The following ANP32B variants were observed in gnomAD, a reference collection of about 807,000 sequenced individuals.
ANP32B encodes acidic nuclear phosphoprotein 32 family member B.
Under a neutral mutation model 32.2 loss-of-function variants are expected in ANP32B, and 6 were observed. The ratio of observed to expected loss-of-function variants is 0.19; its 90% CI spans 0.10 to 0.37. The LOEUF (loss-of-function observed/expected upper bound fraction) is 0.37, where lower values mean the gene tolerates loss of function less well. Among genes scored for constraint, ANP32B ranks in the 10% least tolerant of loss-of-function variants. ANP32B has a pLI of 1.00. For missense variants in ANP32B, 204 were observed against 289.2 expected (o/e 0.71, Z 2.14); for synonymous variants, 98 against 105.8 (o/e 0.93, Z 0.45).
intron 6 of ANP32B, among the ~76,000 whole-genome samples, chr9:98,014,564 G>A (rs571639397): frequency 1.3e-5 from 2 of 152,052 alleles, no homozygotes; most frequent in South Asian, 4.1e-4. Flanking sequence ...GTTAATATTA[G>A]TTTGCTACAA....
chr9:97,987,087 T>C (rs1587870265), intron 1 of ANP32B, among the ~76,000 whole-genome samples: 2 of 152,202 alleles, frequency 1.3e-5, no homozygotes, highest in East Asian at 3.9e-4. Flanking sequence ...TCTTCTTCAG[T>C]TCACCTGTTA....
At position 98,015,400 on chromosome 9, in the gene ANP32B, G is replaced by A. The variant is rs1389054833; in HGVS notation, c.725G>A (p.Arg242Lys). 2.6e-6 allele frequency: 4 copies of A among 1,550,234 alleles called. No individual in the cohort carries two copies. Among genetic ancestry groups the A allele is most frequent in the African/African-American group, 1.4e-5 (1 of 72,888 alleles). The stretch of plus-strand genomic sequence containing the variant: ...GGTGGGAAAGGTGAAAAGAGGAAGA[G>A]AGAAACAGATGATGAAGGAGAAGAT... The part of the protein sequence containing the change: ...EEGGKGEKRK[R>K]ETDDEGEDD The change falls in exon 7 of 7, where the codon AGA (arginine) becomes AAA (lysine). Residue 242 changes from arginine to lysine, a missense_variant. Physicochemically the swap from Arg to Lys is conservative, Grantham distance 26. Transcript: ENST00000339399.
In ANP32B at chr9:98,005,046, A is replaced by G. The variant is rs1302544606; in HGVS notation, c.410A>G (p.Lys137Arg). The change falls in exon 4 of 7, where the codon AAG becomes AGG. Residue 137 changes from lysine (K) to arginine (R), a missense_variant. By Grantham distance (26) the Lys-to-Arg change is conservative. Coordinates refer to ENST00000339399, the MANE Select transcript of ANP32B (RefSeq NM_006401.3). ...NLNDYRESVF[K>R]LLPQLTYLDG... ...AATGACTACCGAGAGAGTGTCTTCA[A>G]GCTCCTGCCCCAGCTTACCTACTTG... The G allele has an allele frequency of 1.2e-6, 2 of 1,614,054 alleles. No homozygotes were observed. Among genetic ancestry groups the G allele is most frequent in the African/African-American group, 2.7e-5 (2 of 74,996 alleles).
At chr9:98,012,393 T>G in intron 5 of ANP32B, 28 bp from the exon 6 acceptor site, 2 of 1,602,386 alleles carry the variant, frequency 1.2e-6, no homozygotes, top group Non-Finnish European at 1.7e-6. Context: ...AGAATTAATT[T>G]AATGTTATGC....
chr9:98,008,629 A>T (rs2131591093), intron 4 of ANP32B, among the ~76,000 whole-genome samples: 1 of 152,260 alleles, frequency 6.6e-6, no homozygotes, highest in South Asian at 2.1e-4. Flanking sequence ...TATCTTTGTG[A>T]AGCAAAGTTT....
intron 1 of ANP32B, among the ~76,000 whole-genome samples, 175 bp downstream of exon 1, chr9:97,983,784 ACT>A (rs1827642113): frequency 6.7e-6 from 1 of 149,496 alleles, no homozygotes; most frequent in South Asian, 2.1e-4. Context: ...GCGAGGATTA[ACT>A]CTTTGCCGCC....
chr9:98,015,622 CA>C lies in ANP32B; in HGVS notation c.*192del. ...CATGTAGTCCCTCTTGGTAATCTAC[CA>C]CCAAGCTTGTGGACTTCACCCCAAC... On this transcript the variant is annotated 3_prime_UTR_variant, in exon 7 of 7. Coordinates refer to ENST00000339399, the MANE Select transcript of ANP32B (RefSeq NM_006401.3). 1 of 1,304,104 alleles carries C rather than the reference CA, an allele frequency of 7.7e-7. No homozygotes were observed. Among genetic ancestry groups the C allele is most frequent in the Non-Finnish European group, 9.8e-7 (1 of 1,018,524 alleles). The allele number at this position is 1,304,104 out of a possible 1,614,324, so 80.8% of individuals were successfully genotyped here. A position where few individuals can be genotyped will look rare whatever the true frequency, so the allele number is the denominator to read the frequency against.
rs1362049620 is a variant in ANP32B, at chr9:98,015,437, C to T, written c.*6C>T. ...ATGAAGGAGAAGATGATTAAGACCC[C>T]AGATGACCTGCAGAAACAGAACTGT... On this transcript the variant is annotated 3_prime_UTR_variant, in exon 7 of 7. Transcript: ENST00000339399. The T allele has an allele frequency of 1.1e-5, 17 of 1,549,302 alleles. No homozygotes were observed. The East Asian group carries it at 3.9e-4, about 36-fold the overall frequency.
chr9:97,996,347 C>T (rs1411975047), intron 2 of ANP32B, among the ~76,000 whole-genome samples: 27 of 152,146 alleles, frequency 1.8e-4, no homozygotes, highest in Admixed American at 1.8e-3. Flanking sequence ...TTTATAGGGA[C>T]TTTAATAAAC....
At chr9:97,991,344 G>A (rs940743206) in intron 1 of ANP32B, among the ~76,000 whole-genome samples, 1 of 151,986 alleles carries the variant, frequency 6.6e-6, no homozygotes, top group African/African-American at 2.4e-5. Context: ...TGGACTCCTG[G>A]GCTCAGGTGG....
chr9:97,984,889 G>A (rs987888236), intron 1 of ANP32B, among the ~76,000 whole-genome samples: 14 of 150,866 alleles, frequency 9.3e-5, no homozygotes, highest in African/African-American at 3.4e-4. Flanking sequence ...TCGTGGGCCG[G>A]GCGGCCTCTG....
chr9:97,983,879 CCT>C (rs1270053741), intron 1 of ANP32B, among the ~76,000 whole-genome samples: 1 of 151,994 alleles, frequency 6.6e-6, no homozygotes, highest in Admixed American at 6.5e-5. Flanking sequence ...GGGTCTTTCC[CCT>C]GAGGGAGCGC....
At chr9:98,009,245 C>CA (rs1217991139) in intron 4 of ANP32B, among the ~76,000 whole-genome samples, 1 of 152,202 alleles carries the variant, frequency 6.6e-6, no homozygotes, top group East Asian at 1.9e-4. Flanking sequence ...ACATATTTTA[C>CA]AGATTTACAG....
chr9:97,984,372 C>T (rs1312404329), intron 1 of ANP32B, among the ~76,000 whole-genome samples: 3 of 151,514 alleles, frequency 2.0e-5, no homozygotes, highest in Non-Finnish European at 4.4e-5. Flanking sequence ...CTCGCTCCCT[C>T]TTCGCCCTCG....
chr9:98,010,429 T>G (rs2131592066), intron 4 of ANP32B, among the ~76,000 whole-genome samples: 1 of 151,978 alleles, frequency 6.6e-6, no homozygotes, highest in Non-Finnish European at 1.5e-5. Flanking sequence ...CAGAAAAAAT[T>G]GTTTTAAATT....
At chr9:98,008,760 G>A (rs1421428300) in intron 4 of ANP32B, among the ~76,000 whole-genome samples, 1 of 152,126 alleles carries the variant, frequency 6.6e-6, no homozygotes, top group Non-Finnish European at 1.5e-5. Context: ...GGGAAAACAA[G>A]CTCAGGGTTC....
intron 4 of ANP32B, among the ~76,000 whole-genome samples, chr9:98,009,240 T>C (rs1007223377): frequency 1.3e-5 from 2 of 152,196 alleles, no homozygotes; most frequent in African/African-American, 4.8e-5. Flanking sequence ...TTTATACATA[T>C]TTTACAGATT....
intron 1 of ANP32B, among the ~76,000 whole-genome samples, chr9:97,983,823 A>C (rs1827644130): frequency 6.7e-6 from 1 of 149,954 alleles, no homozygotes; most frequent in Non-Finnish European, 1.5e-5. Context: ...GGCCGGGGGG[A>C]GGCAGCGGTG....
intron 1 of ANP32B, among the ~76,000 whole-genome samples, chr9:97,985,054 C>T (rs1400927326): frequency 6.7e-6 from 1 of 150,074 alleles, no homozygotes; most frequent in Non-Finnish European, 1.5e-5. Context: ...GCGCGGCTGC[C>T]CGCCGTCGCG....
Sources: allele counts gnomAD v4.1 joint callset (sites outside exome capture counted in the v4.1 genomes callset), GRCh38; gene constraint gnomAD v4.1.1; transcripts MANE v1.5; gene names NCBI Gene and HGNC (gene_info 2026-07-23, HGNC 2026-07-21).